TNKS: variants seen among roughly 807,000 people sequenced by gnomAD.
TNKS encodes the protein tankyrase.
Under a neutral mutation model 135.8 loss-of-function variants are expected in TNKS, and 72 were observed. The ratio of observed to expected loss-of-function variants is 0.53; its 90% CI spans 0.44 to 0.64. The LOEUF is 0.64. Ranked by LOEUF, TNKS falls within the 30% of genes least tolerant of loss-of-function variation. The probability of loss-of-function intolerance (pLI) is 0.00; values close to 1 mark genes in which losing one functional copy is unlikely to be tolerated. For missense variants in TNKS, 1,769 were observed against 1,674.0 expected (o/e 1.06, Z -0.99); for synonymous variants, 849 against 649.3 (o/e 1.31, Z -4.68).
At chr8:9,582,925 G>C (rs1199784800) in intron 2 of TNKS, among the ~76,000 whole-genome samples, 1 of 152,082 alleles carries the variant, frequency 6.6e-6, no homozygotes, top group Non-Finnish European at 1.5e-5. Context: ...CCAGCACTTT[G>C]GGAGGCTGAG....
chr8:9,560,570 C>T (rs1797286523), intron 1 of TNKS, among the ~76,000 whole-genome samples: 1 of 127,028 alleles, frequency 7.9e-6, no homozygotes, highest in South Asian at 2.7e-4. Flanking sequence ...TAATAGAAGT[C>T]ACCATATACT....
chr8:9,774,410 T>G (rs1193392889), intron 26 of TNKS, among the ~76,000 whole-genome samples: 2 of 152,150 alleles, frequency 1.3e-5, no homozygotes, highest in African/African-American at 2.4e-5. Context: ...CAAATTTTAG[T>G]GTTAGGGATT....
At chr8:9,675,414 C>G (rs539386173) in intron 3 of TNKS, among the ~76,000 whole-genome samples, 1 of 152,260 alleles carries the variant, frequency 6.6e-6, no homozygotes, top group South Asian at 2.1e-4. Context: ...AGATTCTAGA[C>G]TGAAGTCTTT....
At chr8:9,579,974 C>T (rs190928203) in intron 1 of TNKS, among the ~76,000 whole-genome samples, 185 bp from the exon 2 acceptor site, 342 of 152,240 alleles carry the variant, frequency 2.2e-3, no homozygotes, top group Non-Finnish European at 3.9e-3. Flanking sequence ...GGAAGAGCTT[C>T]CTTAGTTCTA....
At chr8:9,638,525 T>A (rs963426889) in intron 3 of TNKS, among the ~76,000 whole-genome samples, 4 of 152,180 alleles carry the variant, frequency 2.6e-5, no homozygotes, top group African/African-American at 9.7e-5. Context: ...TTTTTCTAGA[T>A]CCAAGGAGAT....
Position 9,781,790 on chromosome 8 carries a change from T to C in TNKS, c.*5054T>C, listed in dbSNP as rs1427065119. 1.3e-5 allele frequency: 2 copies of C among 152,634 alleles called. No individual in the cohort carries two copies. Among genetic ancestry groups the C allele is most frequent in the Admixed American group, 1.3e-4 (2 of 15,282 alleles). The allele number at this position is 152,634 out of a possible 1,614,324, so 9.5% of individuals were successfully genotyped here. On this transcript the variant is annotated 3_prime_UTR_variant, in exon 27 of 27. Coordinates refer to ENST00000310430, the MANE Select transcript of TNKS (RefSeq NM_003747.3). ...CTGTGTGAGCAACCAGTGTAGTGACTCTTTGGTTCATTATTCGTGTTGTTT... is the reference window on the plus strand; with the variant it reads ...CTGTGTGAGCAACCAGTGTAGTGACCCTTTGGTTCATTATTCGTGTTGTTT...
At chr8:9,662,766 A>T (rs1801784156) in intron 3 of TNKS, among the ~76,000 whole-genome samples, 1 of 152,224 alleles carries the variant, frequency 6.6e-6, no homozygotes, top group Non-Finnish European at 1.5e-5. Context: ...TTTTTAAAAA[A>T]AGTATGTACT....
At position 9,748,019 on chromosome 8, in the gene TNKS, T is replaced by C. The variant is rs746011591; in HGVS notation, c.2644-5T>C. ...AACTCTTTGTATCCTTTTCTTTTTT[T>C]TCAGCATGTTGACATAGCGGCTTTA... On this transcript the variant is annotated splice_polypyrimidine_tract_variant and splice_region_variant and intron_variant, in intron 17 of 26. Coordinates refer to ENST00000310430, the MANE Select transcript of TNKS (RefSeq NM_003747.3). The C allele has an allele frequency of 1.2e-6, 2 of 1,604,144 alleles. No individual in the cohort carries two copies. Among genetic ancestry groups the C allele is most frequent in the African/African-American group, 1.3e-5 (1 of 74,514 alleles).
chr8:9,577,905 C>G (rs995398123), intron 1 of TNKS, among the ~76,000 whole-genome samples: 1 of 152,232 alleles, frequency 6.6e-6, no homozygotes, highest in African/African-American at 2.4e-5. Flanking sequence ...TAGTTAGTTA[C>G]AAGATACAGT....
intron 26 of TNKS, among the ~76,000 whole-genome samples, chr8:9,771,539 CTGAG>C (rs944082854): frequency 2.0e-5 from 2 of 102,124 alleles, no homozygotes; most frequent in Non-Finnish European, 3.9e-5. Flanking sequence ...GGGAGAAAGA[CTGAG>C]AGAGGAAGCA....
intron 3 of TNKS, among the ~76,000 whole-genome samples, chr8:9,673,659 TG>T (rs1392324813): frequency 1.3e-5 from 2 of 152,060 alleles, no homozygotes; most frequent in Non-Finnish European, 2.9e-5. Context: ...TTGACCAGGC[TG>T]GTATTGAACT....
chr8:9,561,456 TA>T (rs1463192843), intron 1 of TNKS, among the ~76,000 whole-genome samples: 1 of 152,250 alleles, frequency 6.6e-6, no homozygotes, highest in African/African-American at 2.4e-5. Flanking sequence ...GAATTTCATA[TA>T]AATGCAGTCA....
In TNKS at chr8:9,568,934, C is replaced by T. The variant is rs141922753; in HGVS notation, c.674-11225C>T. Among the ~76,000 whole-genome samples, 1,436 of 152,280 alleles carry T rather than the reference C, an allele frequency of 9.4e-3. 10 individuals carry two copies. Among genetic ancestry groups the T allele is most frequent in the Middle Eastern group, 0.048 (14 of 294 alleles). ...AGAATCCATTGTTAGAATCCAGAAA[C>T]GGGTATACCTGTACTTGTTTTGAGC... On this transcript the variant is annotated intron_variant, in intron 1 of 26. Coordinates refer to ENST00000310430, the MANE Select transcript of TNKS (RefSeq NM_003747.3).
intron 3 of TNKS, among the ~76,000 whole-genome samples, chr8:9,664,818 C>G (rs548262652): frequency 6.6e-6 from 1 of 152,232 alleles, no homozygotes; most frequent in Admixed American, 6.5e-5. Flanking sequence ...CTAGAAGAGA[C>G]CTTAAATTTA....
intron 1 of TNKS, among the ~76,000 whole-genome samples, chr8:9,560,752 T>A (rs1797296552): frequency 1.3e-5 from 2 of 152,054 alleles, no homozygotes; most frequent in African/African-American, 4.8e-5. Flanking sequence ...GAAAGGGACC[T>A]AGTTTCATAA....
At chr8:9,683,546 C>G (rs558435181) in intron 5 of TNKS, among the ~76,000 whole-genome samples, 1 of 151,924 alleles carries the variant, frequency 6.6e-6, no homozygotes, top group African/African-American at 2.4e-5. Flanking sequence ...GTTTTTACTA[C>G]AGTTCCTGGT....
chr8:9,690,627 C>T (rs999408853), intron 5 of TNKS, among the ~76,000 whole-genome samples: 2 of 151,962 alleles, frequency 1.3e-5, no homozygotes, highest in African/African-American at 4.8e-5. Flanking sequence ...GGGTGGCAGG[C>T]ACCTATAATC....
intron 2 of TNKS, among the ~76,000 whole-genome samples, chr8:9,609,829 GAT>G (rs1442271596): frequency 6.6e-6 from 1 of 152,086 alleles, no homozygotes; most frequent in Admixed American, 6.6e-5. Flanking sequence ...CCTATATAGG[GAT>G]AGCACTGGTT....
chr8:9,729,997 G>C (rs947891741), intron 13 of TNKS, among the ~76,000 whole-genome samples: 1 of 151,940 alleles, frequency 6.6e-6, no homozygotes, highest in Non-Finnish European at 1.5e-5. Flanking sequence ...GGATGGTCTC[G>C]ATCTCTTGAC....
Sources: allele counts gnomAD v4.1 joint callset (sites outside exome capture counted in the v4.1 genomes callset), GRCh38; gene constraint gnomAD v4.1.1; transcripts MANE v1.5; gene names NCBI Gene and HGNC (gene_info 2026-07-23, HGNC 2026-07-21).